The following NFIX variants were observed in gnomAD, a reference collection of about 807,000 sequenced individuals.
NFIX encodes nuclear factor I X.
NFIX carries 2 observed loss-of-function variants against 53.3 expected under a neutral mutation model. The observed-to-expected ratio is 0.04, with a 90% CI of 0.02 to 0.12. NFIX has a LOEUF of 0.12. NFIX is among the 10% of genes least tolerant of loss of function. The probability of loss-of-function intolerance (pLI) is 1.00; values close to 1 mark genes in which losing one functional copy is unlikely to be tolerated. For synonymous variants in NFIX, 244 were observed against 289.0 expected, an observed-to-expected ratio of 0.84 and a Z score of 1.58; for missense variants, 310 against 674.5, an observed-to-expected ratio of 0.46 and a Z score of 5.99.
At chr19:12,999,519 T>C (rs2011599646) in intron 1 of NFIX, among the ~76,000 whole-genome samples, 1 of 150,340 alleles carries the variant, frequency 6.7e-6, no homozygotes, top group South Asian at 2.1e-4. Context: ...CACACACAAA[T>C]ATGCACCAAT....
chr19:13,095,008 T>G lies in NFIX; in HGVS notation c.*359T>G. 1 of 252,518 alleles carries G rather than the reference T, an allele frequency of 4.0e-6. No homozygotes were observed. Among genetic ancestry groups the G allele is most frequent in the Non-Finnish European group, 7.7e-6 (1 of 129,292 alleles). 15.6% of individuals were successfully genotyped at this position (252,518 alleles called of 1,614,324 possible). A position where few individuals can be genotyped will look rare whatever the true frequency, so the allele number is the denominator to read the frequency against. On this transcript the variant is annotated 3_prime_UTR_variant, in exon 11 of 11. Coordinates refer to ENST00000592199, the MANE Select transcript of NFIX (RefSeq NM_001365902.3). ...CCGGCCTTCTGGGGAAGGAACAAAG[T>G]CCCCAAACAAAGCAACCAGCACAAT...
At position 13,073,866 on chromosome 19, in the gene NFIX, C is replaced by T. The variant is rs2016913103; in HGVS notation, c.698-40C>T. On this transcript the variant is annotated intron_variant, in intron 4 of 10. Transcript: ENST00000592199. The surrounding 1 kb of genome is among the most constrained non-coding windows in gnomAD (Gnocchi z 4.5). ...AAAGAAACAGACCCCATCAGGCCTC[C>T]CCCCACCTCCAAACCTCATCACCCT... 1.9e-6 allele frequency: 3 copies of T among 1,613,690 alleles called. No homozygotes were observed. The highest frequency in any genetic ancestry group is 2.7e-5 in the African/African-American group (2 of 75,022).
chr19:13,048,101 G>A (rs1042777075), intron 2 of NFIX, among the ~76,000 whole-genome samples: 17 of 152,186 alleles, frequency 1.1e-4, no homozygotes, highest in Non-Finnish European at 2.5e-4. Context: ...GCTGGCAGAC[G>A]GAAGAATCTT....
Position 12,998,733 on chromosome 19 carries a change from G to A in NFIX, c.27+2869G>A, listed in dbSNP as rs1024302230. On this transcript the variant is annotated intron_variant, in intron 1 of 10. Transcript: ENST00000592199. The surrounding 1 kb of genome is among the most constrained non-coding windows in gnomAD (Gnocchi z 4.4). ...GATGTCCAGACCCACGACCATCGAC[G>A]AGCCTACAGACCTACGGACACAGGA... is the stretch of plus-strand genomic sequence containing the variant. Among the ~76,000 whole-genome samples, 2 of 152,126 alleles carry A rather than the reference G, an allele frequency of 1.3e-5. No homozygotes were observed. Among genetic ancestry groups the A allele is most frequent in the African/African-American group, 4.8e-5 (2 of 41,400 alleles).
At chr19:13,084,695 G>A (rs1431356275) in intron 8 of NFIX, among the ~76,000 whole-genome samples, 2 of 152,140 alleles carry the variant, frequency 1.3e-5, no homozygotes, top group African/African-American at 2.4e-5. Context: ...GCATGACTCC[G>A]GGAGGCAGGA....
chr19:13,001,838 G>C lies in NFIX; in HGVS notation c.27+5974G>C, dbSNP rs1386353226. Among the ~76,000 whole-genome samples the C allele has an allele frequency of 6.6e-6, 1 of 152,240 alleles. No individual in the cohort carries two copies. Among genetic ancestry groups the C allele is most frequent in the Non-Finnish European group, 1.5e-5 (1 of 68,034 alleles). On this transcript the variant is annotated intron_variant, in intron 1 of 10. Transcript: ENST00000592199. This position sits in a 1 kb window ranked among gnomAD's most constrained non-coding sequence, Gnocchi z 6.5. ...CGGGCAAGCGGCTGGGAGCGGGCTG[G>C]CTGCTCAGTCCCTTCCCATGAGGTT...
rs2011738099 is a variant in NFIX, at chr19:13,002,121, C to T, written c.27+6257C>T. Reference sequence around the variant, plus strand: ...GCCAGGCAGGCCCTGGGCCCCACACCCCTGGGCCACCCGCCATCCCTCCGA... The same window carrying T: ...GCCAGGCAGGCCCTGGGCCCCACACTCCTGGGCCACCCGCCATCCCTCCGA... On this transcript the variant is annotated intron_variant, in intron 1 of 10. Transcript: ENST00000592199. The surrounding 1 kb of genome is among the most constrained non-coding windows in gnomAD (Gnocchi z 6.1). 1.3e-5 allele frequency among the ~76,000 whole-genome samples: 2 copies of T among 152,050 alleles called. No individual in the cohort carries two copies. Among genetic ancestry groups the T allele is most frequent in the African/African-American group, 2.4e-5 (1 of 41,398 alleles).
chr19:13,030,083 G>A (rs2013686706), intron 2 of NFIX, among the ~76,000 whole-genome samples: 1 of 152,200 alleles, frequency 6.6e-6, no homozygotes, highest in South Asian at 2.1e-4. Flanking sequence ...CTCATCCATT[G>A]CCTCCTTTTT....
Position 13,036,608 on chromosome 19 carries a change from G to A in NFIX, c.559+11056G>A, listed in dbSNP as rs148792150. On this transcript the variant is annotated intron_variant, in intron 2 of 10. Transcript: ENST00000592199. The surrounding 1 kb of genome is among the most constrained non-coding windows in gnomAD (Gnocchi z 4.7). ...AGGCCAGCCGAGTGCAGCCCTTGGG[G>A]AGTGTGTCCTTATTATGCCTGCAGA... Among the ~76,000 whole-genome samples, 11 of 152,302 alleles carry A rather than the reference G, an allele frequency of 7.2e-5. No homozygotes were observed. Among genetic ancestry groups the A allele is most frequent in the African/African-American group, 2.6e-4 (11 of 41,550 alleles).
rs987084374 is a variant in NFIX at position 13,011,035 on chromosome 19, C to T, written c.28-13986C>T. Among the ~76,000 whole-genome samples the T allele has an allele frequency of 3.3e-5, 5 of 152,202 alleles. No homozygotes were observed. The highest frequency in any genetic ancestry group is 5.9e-5 in the Non-Finnish European group (4 of 68,030). On this transcript the variant is annotated intron_variant, in intron 1 of 10. Coordinates refer to ENST00000592199, the MANE Select transcript of NFIX (RefSeq NM_001365902.3). The surrounding 1 kb of genome is among the most constrained non-coding windows in gnomAD (Gnocchi z 6.5). ...TAAGAACCGCTCCCCCCTCTTCCCG[C>T]TCCACGTTTGTACTTGGATTTTACC...
rs1327341935 is a variant in NFIX, at chr19:12,998,674, G to A, written c.27+2810G>A. On this transcript the variant is annotated intron_variant, in intron 1 of 10. Coordinates refer to ENST00000592199, the MANE Select transcript of NFIX (RefSeq NM_001365902.3). This position sits in a 1 kb window ranked among gnomAD's most constrained non-coding sequence, Gnocchi z 4.4. ...TGAACTCACGTACACCACCATCACCGCCAAGATGGGGATGTAAGTGTCCTG... is the reference window on the plus strand; with the variant it reads ...TGAACTCACGTACACCACCATCACCACCAAGATGGGGATGTAAGTGTCCTG... Among the ~76,000 whole-genome samples, 2 of 152,050 alleles carry A rather than the reference G, an allele frequency of 1.3e-5. No homozygotes were observed. Among genetic ancestry groups the A allele is most frequent in the Admixed American group, 6.5e-5 (1 of 15,272 alleles).
chr19:13,074,133 A>G (rs2145435752), intron 5 of NFIX, 107 bp downstream of exon 5: 2 of 1,402,830 alleles, frequency 1.4e-6, no homozygotes. Context: ...GTGCTTCAGA[A>G]TGTCACCTCT....
At chr19:13,057,164 G>A (rs1205132490) in intron 2 of NFIX, among the ~76,000 whole-genome samples, 1 of 152,236 alleles carries the variant, frequency 6.6e-6, no homozygotes, top group Non-Finnish European at 1.5e-5. Flanking sequence ...CTGGTGAGGT[G>A]GAACCTGCAG....
intron 1 of NFIX, among the ~76,000 whole-genome samples, chr19:13,023,630 C>CTT (rs201731717): frequency 3.1e-5 from 4 of 128,670 alleles, no homozygotes; most frequent in Non-Finnish European, 6.6e-5. Flanking sequence ...GCATTTTTTT[C>CTT]TTTTTTTTTT....
In NFIX at chr19:13,090,813, G is replaced by C. The variant is rs1016319744; in HGVS notation, c.1494+423G>C. Among the ~76,000 whole-genome samples the C allele has an allele frequency of 5.9e-5, 9 of 152,206 alleles. No individual in the cohort carries two copies. The highest frequency in any genetic ancestry group is 2.2e-4 in the African/African-American group (9 of 41,450). On this transcript the variant is annotated intron_variant, in intron 10 of 10. Coordinates refer to ENST00000592199, the MANE Select transcript of NFIX (RefSeq NM_001365902.3). The surrounding 1 kb of genome is among the most constrained non-coding windows in gnomAD (Gnocchi z 6.6). The stretch of plus-strand genomic sequence containing the variant: ...TGGCGTTGGGTGGGCTGGGTGACGG[G>C]TGGAGGAGGGACAGAGGGCCTGGTG...
rs2017945945 is a variant in NFIX, at chr19:13,088,655, C to T, written c.1402+519C>T. The stretch of plus-strand genomic sequence containing the variant: ...GGGCCCTTGGGCCTCAAAGACGCAG[C>T]AGGCCAGCCCGACCCCTTCCCCCTC... On this transcript the variant is annotated intron_variant, in intron 9 of 10. Transcript: ENST00000592199. This position sits in a 1 kb window ranked among gnomAD's most constrained non-coding sequence, Gnocchi z 5.9. Among the ~76,000 whole-genome samples the T allele has an allele frequency of 6.6e-6, 1 of 151,964 alleles. No homozygotes were observed. Among genetic ancestry groups the T allele is most frequent in the Non-Finnish European group, 1.5e-5 (1 of 67,970 alleles).
Position 12,998,731 on chromosome 19 carries a change from A to G in NFIX, c.27+2867A>G, listed in dbSNP as rs1000493257. 4.6e-5 allele frequency among the ~76,000 whole-genome samples: 7 copies of G among 152,190 alleles called. No individual in the cohort carries two copies. Among genetic ancestry groups the G allele is most frequent in the Non-Finnish European group, 8.8e-5 (6 of 68,038 alleles). On this transcript the variant is annotated intron_variant, in intron 1 of 10. Coordinates refer to ENST00000592199, the MANE Select transcript of NFIX (RefSeq NM_001365902.3). The surrounding 1 kb of genome is among the most constrained non-coding windows in gnomAD (Gnocchi z 4.4). ...CCGATGTCCAGACCCACGACCATCGACGAGCCTACAGACCTACGGACACAG... is the reference window on the plus strand; with the variant it reads ...CCGATGTCCAGACCCACGACCATCGGCGAGCCTACAGACCTACGGACACAG...
rs1485863960 is a variant in NFIX, at chr19:13,090,661, C to G, written c.1494+271C>G. On this transcript the variant is annotated intron_variant, in intron 10 of 10. Transcript: ENST00000592199. The surrounding 1 kb of genome is among the most constrained non-coding windows in gnomAD (Gnocchi z 6.6). ...CGGCCAAGGACCCAAGTCTAGAGGCCCTCTGGGCCAGGCCTGGTAGAAGCA... is the reference window on the plus strand; with the variant it reads ...CGGCCAAGGACCCAAGTCTAGAGGCGCTCTGGGCCAGGCCTGGTAGAAGCA... Among the ~76,000 whole-genome samples the G allele has an allele frequency of 6.6e-6, 1 of 152,340 alleles. No individual in the cohort carries two copies. Among genetic ancestry groups the G allele is most frequent in the Non-Finnish European group, 1.5e-5 (1 of 68,034 alleles).
At position 13,074,083 on chromosome 19, in the gene NFIX, C is replaced by A. The variant is rs998522635; in HGVS notation, c.818+57C>A. The A allele has an allele frequency of 1.1e-5, 17 of 1,605,368 alleles. No homozygotes were observed. In the African/African-American group the frequency reaches 2.1e-4, roughly 20 times the overall value. On this transcript the variant is annotated intron_variant, in intron 5 of 10. Coordinates refer to ENST00000592199, the MANE Select transcript of NFIX (RefSeq NM_001365902.3). ...TCTCCACTCCCCCCAGGGCCAGGGCCGTCCCAGTGGCTATAGTCAGCTGTG... is the reference window on the plus strand; with the variant it reads ...TCTCCACTCCCCCCAGGGCCAGGGCAGTCCCAGTGGCTATAGTCAGCTGTG...
Sources: allele counts gnomAD v4.1 joint callset (sites outside exome capture counted in the v4.1 genomes callset), GRCh38; gene constraint gnomAD v4.1.1; non-coding constraint Gnocchi (gnomAD v3.1); transcripts MANE v1.5; gene names NCBI Gene and HGNC (gene_info 2026-07-23, HGNC 2026-07-21).